Variants in RANBP3 observed in about 807,000 individuals in gnomAD.
The protein encoded by RANBP3 is ran-binding protein 3.
A neutral mutation model predicts 77.3 loss-of-function variants in RANBP3; 14 were observed. The observed-to-expected ratio is 0.18, with a 90% CI of 0.12 to 0.28. RANBP3 has a LOEUF of 0.28. Among genes scored for constraint, RANBP3 ranks in the 10% least tolerant of loss-of-function variants. The probability of loss-of-function intolerance (pLI) is 1.00; values close to 1 mark genes in which losing one functional copy is unlikely to be tolerated. For missense variants in RANBP3, 586 were observed against 752.3 expected, an observed-to-expected ratio of 0.78 and a Z score of 2.59; for synonymous variants, 315 against 312.4, an observed-to-expected ratio of 1.01 and a Z score of -0.09.
intron 5 of RANBP3, chr19:5,933,748 A>G (rs915421596): frequency 1.3e-5 from 5 of 399,204 alleles, no homozygotes; most frequent in African/African-American, 1.0e-4. Flanking sequence ...CCGCCCTCCC[A>G]GCTGTCTATG....
In RANBP3 at chr19:5,925,113, GC is replaced by G. The variant is rs1026176953; in HGVS notation, c.918-209del. 10 of 581,166 alleles carry G rather than the reference GC, an allele frequency of 1.7e-5. No homozygotes were observed. In the African/African-American group the frequency reaches 1.9e-4, roughly 11 times the overall value. 36.0% of individuals were successfully genotyped at this position (581,166 alleles called of 1,614,324 possible). A position where few individuals can be genotyped will look rare whatever the true frequency, so the allele number is the denominator to read the frequency against. ...ACCCTTAGCTCGCCCTGATGGAGGG[GC>G]CCCACAGCATGAGGGAAGCCACCTT... On this transcript the variant is annotated intron_variant, in intron 10 of 16. Coordinates refer to ENST00000340578, the MANE Select transcript of RANBP3 (RefSeq NM_007322.3).
intron 1 of RANBP3, among the ~76,000 whole-genome samples, chr19:5,964,251 A>G (rs1193020188): frequency 6.6e-6 from 1 of 152,104 alleles, no homozygotes; most frequent in Non-Finnish European, 1.5e-5. Context: ...AAGCTTGGCC[A>G]TCTCTGCTCT....
At chr19:5,920,188 G>A (rs954298215) in intron 14 of RANBP3, among the ~76,000 whole-genome samples, 2 of 152,236 alleles carry the variant, frequency 1.3e-5, no homozygotes, top group Non-Finnish European at 2.9e-5. Flanking sequence ...TTTGATGCCA[G>A]GAGCTCAAGA....
At chr19:5,941,359 A>G (rs1290964116) in intron 5 of RANBP3, among the ~76,000 whole-genome samples, 1 of 152,060 alleles carries the variant, frequency 6.6e-6, no homozygotes, top group Non-Finnish European at 1.5e-5. Context: ...CCTTTCCTCC[A>G]TTTCAGAGGG....
chr19:5,951,134 T>C lies in RANBP3; in HGVS notation c.282+259A>G, dbSNP rs76900509. ...TTCCTCCTGACCCCTCGTGTCTTTTTTGGGAAACAGGATTCACCTCTTGCT... is the reference window on the plus strand; with the variant it reads ...TTCCTCCTGACCCCTCGTGTCTTTTCTGGGAAACAGGATTCACCTCTTGCT... On this transcript the variant is annotated intron_variant, in intron 3 of 16. Transcript: ENST00000340578. Among the ~76,000 whole-genome samples the C allele has an allele frequency of 1.4e-3, 216 of 152,340 alleles. 5 individuals are homozygous for C. The East Asian group carries it at 0.038, about 27-fold the overall frequency.
chr19:5,937,409 T>G (rs921098256), intron 5 of RANBP3, among the ~76,000 whole-genome samples: 1 of 152,134 alleles, frequency 6.6e-6, no homozygotes, highest in Non-Finnish European at 1.5e-5. Flanking sequence ...ACTGAGACAC[T>G]TCTACCCAAC....
intron 5 of RANBP3, 98 bp from the exon 6 acceptor site, chr19:5,933,577 G>A (rs1369061674): frequency 2.2e-6 from 2 of 895,508 alleles, no homozygotes. Context: ...TGGCCTCAGT[G>A]ACTTCGGGCC....
At chr19:5,964,857 G>GC (rs2058446463) in intron 1 of RANBP3, among the ~76,000 whole-genome samples, 1 of 128,526 alleles carries the variant, frequency 7.8e-6, no homozygotes, top group African/African-American at 2.8e-5. Flanking sequence ...TAGGGTGGGG[G>GC]GGGGGGTGGC....
At chr19:5,935,988 G>A (rs2058059543) in intron 5 of RANBP3, 4 of 339,248 alleles carry the variant, frequency 1.2e-5, no homozygotes, top group Middle Eastern at 6.6e-4. Flanking sequence ...CCCTCCCGCC[G>A]GCAGCCTTTG....
chr19:5,942,246 G>A lies in RANBP3; in HGVS notation c.283-411C>T, dbSNP rs898804786. On this transcript the variant is annotated intron_variant, in intron 3 of 16. Coordinates refer to ENST00000340578, the MANE Select transcript of RANBP3 (RefSeq NM_007322.3). ...TTGTGTAAAATGGTCACATCACACC[G>A]GATAGGAGCGATTTCCCTTCCTTGC... 3.9e-5 allele frequency among the ~76,000 whole-genome samples: 6 copies of A among 152,166 alleles called. No homozygotes were observed. In the East Asian group the frequency reaches 5.8e-4, roughly 15 times the overall value.
At position 5,917,318 on chromosome 19, in the gene RANBP3, CA is replaced by C. The variant is rs1330969987; in HGVS notation, c.*291del. The C allele has an allele frequency of 4.1e-6, 2 of 482,760 alleles. No individual in the cohort carries two copies. Among genetic ancestry groups the C allele is most frequent in the Non-Finnish European group, 3.7e-6 (1 of 270,480 alleles). 29.9% of individuals were successfully genotyped at this position (482,760 alleles called of 1,614,324 possible). On this transcript the variant is annotated 3_prime_UTR_variant, in exon 17 of 17. Coordinates refer to ENST00000340578, the MANE Select transcript of RANBP3 (RefSeq NM_007322.3). ...GGTGAAGGAACGAGGTCTCCAGTCC[CA>C]GTGAGAAGCCGTGACAAGTCTTAAT...
At chr19:5,920,712 T>A (rs1434865424) in intron 14 of RANBP3, among the ~76,000 whole-genome samples, 4 of 152,152 alleles carry the variant, frequency 2.6e-5, no homozygotes, top group Non-Finnish European at 4.4e-5. Flanking sequence ...CATGCCCGGC[T>A]AATTTTTGTA....
At position 5,921,321 on chromosome 19, in the gene RANBP3, T is replaced by C. The variant is rs764348471; in HGVS notation, c.1210A>G (p.Met404Val). The stretch of plus-strand genomic sequence containing the variant: ...TCAAAGACAAACAGCTTGCACTGCA[T>C]CTGGAACACAGTGGCCGCCGGTAAG... ...GEEAESNVLQ[M>V]QCKLFVFDKT... Residue 404 changes from methionine to valine, a missense_variant and splice_region_variant, in exon 14 of 17, where the codon ATG (methionine) becomes GTG (valine). Physicochemically the swap from Met to Val is conservative, Grantham distance 21. Around this residue, in one of 5 missense-constraint regions of RANBP3, gnomAD observed 51 missense variants for 123.2 expected, o/e 0.41. Coordinates refer to ENST00000340578, the MANE Select transcript of RANBP3 (RefSeq NM_007322.3). This position sits in a 1 kb window ranked among gnomAD's most constrained non-coding sequence, Gnocchi z 5.3. The C allele has an allele frequency of 6.2e-7, 1 of 1,613,286 alleles. No individual in the cohort carries two copies. Among genetic ancestry groups the C allele is most frequent in the Non-Finnish European group, 8.5e-7 (1 of 1,179,712 alleles).
At chr19:5,929,870 G>A (rs1468159449) in intron 8 of RANBP3, among the ~76,000 whole-genome samples, 6 of 152,256 alleles carry the variant, frequency 3.9e-5, no homozygotes, top group Non-Finnish European at 7.3e-5. Flanking sequence ...GACCCACATG[G>A]AGCAGTGGCT....
chr19:5,965,223 C>G (rs2058452844), intron 1 of RANBP3, among the ~76,000 whole-genome samples: 1 of 151,972 alleles, frequency 6.6e-6, no homozygotes, highest in South Asian at 2.1e-4. Flanking sequence ...GTGCGAAGTC[C>G]ATAAAACCCT....
At chr19:5,943,346 A>C (rs1215270819) in intron 3 of RANBP3, among the ~76,000 whole-genome samples, 1 of 152,186 alleles carries the variant, frequency 6.6e-6, no homozygotes, top group Non-Finnish European at 1.5e-5. Flanking sequence ...AAAACTGAGG[A>C]GCACAGGAGC....
intron 15 of RANBP3, 96 bp downstream of exon 15, chr19:5,918,400 T>TCCCCCCCCCCC: frequency 8.2e-6 from 1 of 122,508 alleles, no homozygotes; most frequent in Non-Finnish European, 1.6e-5. Context: ...CCCTCCCCCC[T>TCCCCCCCCCCC]CCCCTCCCCA....
chr19:5,966,381 A>G (rs2058468304), intron 1 of RANBP3, among the ~76,000 whole-genome samples: 1 of 152,248 alleles, frequency 6.6e-6, no homozygotes, highest in South Asian at 2.1e-4. Flanking sequence ...TTGTCAAGAC[A>G]AGGATCAAAG....
In RANBP3 at chr19:5,925,869, G is replaced by C. The variant is rs554830396; in HGVS notation, c.814-132C>G. The C allele has an allele frequency of 2.6e-4, 180 of 689,078 alleles. 1 individual carries two copies. In the South Asian group the frequency reaches 2.6e-3, roughly 10 times the overall value. 42.7% of individuals were successfully genotyped at this position (689,078 alleles called of 1,614,324 possible). A position where few individuals can be genotyped will look rare whatever the true frequency, so the allele number is the denominator to read the frequency against. On this transcript the variant is annotated intron_variant, in intron 9 of 16. Transcript: ENST00000340578. ...TGAACCCTCTCCTGTACCCGCCTGT[G>C]TGTGTGCGCGTGCATGTGCTGGGGG...
Sources: gnomAD v4.1 joint callset for allele counts (sites outside exome capture counted in the v4.1 genomes callset) on GRCh38, gnomAD v4.1.1 for gene constraint, gnomAD v4.1.1 regional missense constraint, Gnocchi (gnomAD v3.1) non-coding constraint, MANE v1.5 for transcripts, NCBI Gene and HGNC (gene_info 2026-07-23, HGNC 2026-07-21) for gene names.